The following SLC9A7 variants were observed in gnomAD, a reference collection of about 807,000 sequenced individuals.
The protein encoded by SLC9A7 is sodium/hydrogen exchanger 7.
Under a neutral mutation model 52.6 loss-of-function variants are expected in SLC9A7, and 19 were observed. The observed-to-expected ratio is 0.36, with a 90% CI of 0.25 to 0.53. The LOEUF is 0.53. Ranked by LOEUF, SLC9A7 falls within the 20% of genes least tolerant of loss-of-function variation. SLC9A7 has a pLI of 0.91. For synonymous variants in SLC9A7, 226 were observed against 252.1 expected (o/e 0.90, Z 0.98); for missense variants, 455 against 597.9 (o/e 0.76, Z 2.49).
chrX:46,672,485 G>T, intron 4 of SLC9A7, 66 bp downstream of exon 4: 1 of 842,656 alleles, frequency 1.2e-6, no homozygotes, highest in Non-Finnish European at 1.8e-6. Flanking sequence ...GGACTCTGTG[G>T]ACCCAAATGG....
At chrX:46,703,104 C>T (rs1212175492) in intron 1 of SLC9A7, among the ~76,000 whole-genome samples, 1 of 112,048 alleles carries the variant, frequency 8.9e-6, no homozygotes, top group Non-Finnish European at 1.9e-5. Flanking sequence ...TTCCATTGTC[C>T]ATTTTTTAAT....
chrX:46,724,182 C>A (rs1402793934), intron 1 of SLC9A7, among the ~76,000 whole-genome samples: 1 of 111,718 alleles, frequency 9.0e-6, no homozygotes, highest in Admixed American at 9.5e-5. Context: ...TGTTAACAAT[C>A]CCTCATATGA....
In SLC9A7 at chrX:46,633,730, G is replaced by A. The variant is rs376776975; in HGVS notation, c.1676+1859C>T. ...TCTGTCACCCAGGATGGAGTGCACT[G>A]GTGTGATCTTAGCTCACTGCAACCT... On this transcript the variant is annotated intron_variant, in intron 13 of 16. Coordinates refer to ENST00000616978, the MANE Select transcript of SLC9A7 (RefSeq NM_001257291.2). 1.3e-4 allele frequency among the ~76,000 whole-genome samples: 14 copies of A among 107,306 alleles called. No homozygotes were observed. The East Asian group carries it at 3.8e-3, about 29-fold the overall frequency. The allele number at this position is 107,306 out of a possible 115,157, so 93.2% of individuals were successfully genotyped here. A position where few individuals can be genotyped will look rare whatever the true frequency, so the allele number is the denominator to read the frequency against.
intron 14 of SLC9A7, 68 bp downstream of exon 14, chrX:46,631,518 G>A: frequency 1.1e-6 from 1 of 885,502 alleles, no homozygotes; most frequent in Admixed American, 2.3e-5. Flanking sequence ...GGGAATCTAG[G>A]TAAAGTGCCT....
At chrX:46,650,284 A>G (rs1413593348) in intron 10 of SLC9A7, among the ~76,000 whole-genome samples, 1 of 111,727 alleles carries the variant, frequency 9.0e-6, no homozygotes, top group Non-Finnish European at 1.9e-5. Context: ...ATCAAGCCCC[A>G]GAAAAGTTCA....
At chrX:46,729,676 G>A (rs749852341) in intron 1 of SLC9A7, among the ~76,000 whole-genome samples, 181 of 110,895 alleles carry the variant, frequency 1.6e-3, no homozygotes, top group Non-Finnish European at 8.9e-4. Context: ...GGGAGGTTGA[G>A]GCAAGAGAAT....
Position 46,651,304 on chromosome X carries a change from C to A in SLC9A7, c.1236+12G>T, listed in dbSNP as rs746906599. The stretch of plus-strand genomic sequence containing the variant: ...TAACAAGCAACTCGTGAGTACCAAG[C>A]CTCTCTCTCACCTGCTTGGTTCGAC... On this transcript the variant is annotated intron_variant, in intron 9 of 16. Coordinates refer to ENST00000616978, the MANE Select transcript of SLC9A7 (RefSeq NM_001257291.2). The A allele has an allele frequency of 8.3e-7, 1 of 1,203,068 alleles. No homozygotes were observed. The highest frequency in any genetic ancestry group is 1.1e-6 in the Non-Finnish European group (1 of 888,366).
At chrX:46,706,827 G>A (rs1433101865) in intron 1 of SLC9A7, among the ~76,000 whole-genome samples, 1 of 111,097 alleles carries the variant, frequency 9.0e-6, no homozygotes, top group East Asian at 2.8e-4. Context: ...CACCACCTCC[G>A]CCTCCCAGGT....
At chrX:46,754,416 T>C (rs781946933) in intron 1 of SLC9A7, among the ~76,000 whole-genome samples, 112 of 112,094 alleles carry the variant, frequency 1.0e-3, no homozygotes, top group African/African-American at 3.3e-3. Flanking sequence ...AGTGAGACCA[T>C]ACAGAAGCTG....
At chrX:46,668,433 G>A (rs894966398) in intron 5 of SLC9A7, among the ~76,000 whole-genome samples, 18 of 111,429 alleles carry the variant, frequency 1.6e-4, no homozygotes, top group African/African-American at 4.9e-4. Flanking sequence ...AGGCAGAGGC[G>A]GAGGCAGAGG....
chrX:46,654,819 T>C (rs1025144994), intron 7 of SLC9A7, among the ~76,000 whole-genome samples: 2 of 110,901 alleles, frequency 1.8e-5, no homozygotes, highest in Non-Finnish European at 3.8e-5. Context: ...CACTGAGCAA[T>C]ATACGTCTCC....
chrX:46,744,068 T>C (rs1211300931), intron 1 of SLC9A7, among the ~76,000 whole-genome samples: 3 of 112,790 alleles, frequency 2.7e-5, no homozygotes, highest in Non-Finnish European at 3.7e-5. Flanking sequence ...GTCATCTATT[T>C]TATTGTATTG....
chrX:46,644,002 A>C (rs763878738), intron 11 of SLC9A7, among the ~76,000 whole-genome samples: 1 of 112,401 alleles, frequency 8.9e-6, no homozygotes, highest in South Asian at 3.7e-4. Context: ...TACTATCAAA[A>C]ATCAATAATA....
chrX:46,718,944 T>C (rs1440464370), intron 1 of SLC9A7, among the ~76,000 whole-genome samples: 1 of 111,908 alleles, frequency 8.9e-6, no homozygotes, highest in Non-Finnish European at 1.9e-5. Context: ...ATCCCATTAC[T>C]GGGTATATAC....
intron 12 of SLC9A7, among the ~76,000 whole-genome samples, chrX:46,637,891 T>C: frequency 8.9e-6 from 1 of 112,394 alleles, no homozygotes; most frequent in Non-Finnish European, 1.9e-5. Flanking sequence ...TGACCTGGCT[T>C]TGGATTTATA....
intron 1 of SLC9A7, among the ~76,000 whole-genome samples, chrX:46,694,481 C>T (rs1439068491): frequency 6.3e-5 from 7 of 110,962 alleles, no homozygotes; most frequent in Non-Finnish European, 3.8e-5. Context: ...AATAAGCACA[C>T]GAAAAGATGG....
At chrX:46,614,433 C>T (rs1942910556) in intron 15 of SLC9A7, among the ~76,000 whole-genome samples, 1 of 111,862 alleles carries the variant, frequency 8.9e-6, no homozygotes, top group Non-Finnish European at 1.9e-5. Flanking sequence ...ATGGTTTCTA[C>T]TGAATGCAGA....
intron 5 of SLC9A7, among the ~76,000 whole-genome samples, chrX:46,668,257 T>C (rs1022278434): frequency 1.3e-4 from 14 of 111,469 alleles, no homozygotes; most frequent in Non-Finnish European, 9.4e-5. Context: ...CGCCTGTAAT[T>C]CCAGCACTTT....
At chrX:46,700,152 A>G (rs73630234) in intron 1 of SLC9A7, among the ~76,000 whole-genome samples, 5,160 of 110,928 alleles carry the variant, frequency 0.047, 297 homozygotes, top group African/African-American at 0.16. Context: ...TAATGGGAGG[A>G]CAGCAGATGC....
Sources: gnomAD v4.1 joint callset for allele counts (sites outside exome capture counted in the v4.1 genomes callset) on GRCh38, gnomAD v4.1.1 for gene constraint, MANE v1.5 for transcripts, NCBI Gene and HGNC (gene_info 2026-07-23, HGNC 2026-07-21) for gene names.